The following ATP10B variants were observed in gnomAD, a reference collection of about 807,000 sequenced individuals.
The protein encoded by ATP10B is phospholipid-transporting ATPase VB.
ATP10B carries 122 observed loss-of-function variants against 141.2 expected under a neutral mutation model. That is an observed-to-expected ratio of 0.86 (90% CI 0.75 to 1.00). ATP10B has a LOEUF of 1.00. Among genes scored for constraint, ATP10B ranks in the 50% least tolerant of loss-of-function variants. ATP10B has a pLI of 0.00. For missense variants in ATP10B, 1,876 were observed against 1,825.3 expected (o/e 1.03, Z -0.51); for synonymous variants, 685 against 692.0 (o/e 0.99, Z 0.16).
chr5:160,857,100 C>G (rs1019602759), upstream of ATP10B, among the ~76,000 whole-genome samples: 6 of 151,722 alleles, frequency 4.0e-5, no homozygotes, highest in Non-Finnish European at 7.4e-5. Context: ...ACCTATTCTA[C>G]TTTATCTTCT....
chr5:160,654,958 C>T (rs1034916333), intron 7 of ATP10B, among the ~76,000 whole-genome samples: 1 of 152,158 alleles, frequency 6.6e-6, no homozygotes, highest in African/African-American at 2.4e-5. Flanking sequence ...AGGCTTTAAC[C>T]TTAGCATCGC....
At chr5:160,913,750 T>G in the ATP10B span, among the ~76,000 whole-genome samples, 1 of 152,188 alleles carries the variant, frequency 6.6e-6, no homozygotes, top group African/African-American at 2.4e-5. Context: ...CTCGCACTGA[T>G]AACAATGAGT....
intron 24 of ATP10B, among the ~76,000 whole-genome samples, chr5:160,581,409 C>T (rs1266470531): frequency 6.6e-6 from 1 of 152,158 alleles, no homozygotes; most frequent in Non-Finnish European, 1.5e-5. Flanking sequence ...ATTATTTACC[C>T]AGTGGTCATT....
At chr5:160,877,480 AG>A in the ATP10B span, among the ~76,000 whole-genome samples, 1 of 148,692 alleles carries the variant, frequency 6.7e-6, no homozygotes, top group Non-Finnish European at 1.5e-5. Flanking sequence ...GGCACAAGAC[AG>A]GGATGCCCTC....
intron 1 of ATP10B, among the ~76,000 whole-genome samples, chr5:160,812,908 T>C (rs1443987309): frequency 6.6e-6 from 1 of 152,184 alleles, no homozygotes; most frequent in Non-Finnish European, 1.5e-5. Flanking sequence ...AAGAAGGTTG[T>C]AGAACACCAA....
In ATP10B at chr5:160,748,931, C is replaced by T. The variant is rs370679481; in HGVS notation, c.-330-31897G>A. ...GGGCTAGGCCCTGCACTTGGCCCCC[C>T]GTATAAATGACCTCTAATATTCATA... On this transcript the variant is annotated intron_variant, in intron 2 of 25. Coordinates refer to ENST00000327245, the MANE Select transcript of ATP10B (RefSeq NM_025153.3). 2.9e-4 allele frequency among the ~76,000 whole-genome samples: 44 copies of T among 152,240 alleles called. 1 individual carries two copies. Among genetic ancestry groups the T allele is most frequent in the African/African-American group, 9.9e-4 (41 of 41,560 alleles).
intron 7 of ATP10B, among the ~76,000 whole-genome samples, chr5:160,668,156 C>T (rs1245465394): frequency 6.8e-6 from 1 of 146,578 alleles, no homozygotes; most frequent in Admixed American, 7.0e-5. Flanking sequence ...CCCTTGAACC[C>T]AGTAGGCATA....
At chr5:160,850,263 A>ACAAAAAT (rs1283331561) in intron 1 of ATP10B, among the ~76,000 whole-genome samples, 2 of 152,036 alleles carry the variant, frequency 1.3e-5, no homozygotes, top group Admixed American at 6.6e-5. Flanking sequence ...AAAACAAAAA[A>ACAAAAAT]CAAAACAAAA....
intron 3 of ATP10B, among the ~76,000 whole-genome samples, chr5:160,701,041 T>A (rs898647873): frequency 6.6e-6 from 1 of 152,164 alleles, no homozygotes; most frequent in African/African-American, 2.4e-5. Context: ...TCTGGACCCA[T>A]TGCCACACAC....
the ATP10B span, among the ~76,000 whole-genome samples, chr5:160,865,847 T>C: frequency 1.3e-5 from 2 of 151,972 alleles, no homozygotes; most frequent in South Asian, 4.1e-4. Context: ...GAAATGCAAA[T>C]CAAAACTACA....
intron 4 of ATP10B, among the ~76,000 whole-genome samples, chr5:160,688,365 C>T (rs544663942): frequency 6.6e-6 from 1 of 152,264 alleles, no homozygotes; most frequent in South Asian, 2.1e-4. Context: ...ACACACTAAA[C>T]AAATAATCAC....
intron 6 of ATP10B, among the ~76,000 whole-genome samples, chr5:160,680,672 A>T (rs1248942111): frequency 1.3e-5 from 2 of 152,226 alleles, no homozygotes; most frequent in African/African-American, 4.8e-5. Flanking sequence ...TTTTAAAAAA[A>T]CTTTGGCTTT....
chr5:160,864,732 T>C, the ATP10B span, among the ~76,000 whole-genome samples: 6 of 152,082 alleles, frequency 3.9e-5, no homozygotes, highest in African/African-American at 1.2e-4. Flanking sequence ...AGTCTCAGGA[T>C]ACAAAATCAG....
chr5:160,814,880 A>ATATCT, intron 1 of ATP10B, among the ~76,000 whole-genome samples: 1 of 152,332 alleles, frequency 6.6e-6, no homozygotes, highest in Middle Eastern at 3.4e-3. Flanking sequence ...ATATCCAGCC[A>ATATCT]AACTAAGCTT....
chr5:160,589,839 A>T, intron 23 of ATP10B, 143 bp from the exon 24 acceptor site: 1 of 631,696 alleles, frequency 1.6e-6, no homozygotes, highest in Non-Finnish European at 2.9e-6. Flanking sequence ...TACTGATCCG[A>T]GGAACAGGTC....
intron 9 of ATP10B, among the ~76,000 whole-genome samples, chr5:160,641,322 T>C (rs1422954119): frequency 6.6e-6 from 1 of 152,200 alleles, no homozygotes; most frequent in Non-Finnish European, 1.5e-5. Flanking sequence ...TCTTTGGTCA[T>C]GCCTAAGTTG....
intron 3 of ATP10B, among the ~76,000 whole-genome samples, chr5:160,715,474 C>G (rs1031492617): frequency 1.4e-5 from 2 of 143,074 alleles, no homozygotes; most frequent in Non-Finnish European, 3.0e-5. Flanking sequence ...TGCTTCGGCT[C>G]GCGCACGGTG....
chr5:160,857,486 T>C, the ATP10B span, among the ~76,000 whole-genome samples: 41 of 151,978 alleles, frequency 2.7e-4, no homozygotes, highest in South Asian at 8.1e-3. Flanking sequence ...ACCAGCTCTT[T>C]GCTTTGTTGA....
chr5:160,848,320 A>G (rs537610896), intron 1 of ATP10B, among the ~76,000 whole-genome samples: 1 of 152,322 alleles, frequency 6.6e-6, no homozygotes, highest in South Asian at 2.1e-4. Flanking sequence ...TATTCCATTC[A>G]TAAGTTCTTA....
Sources: allele counts gnomAD v4.1 joint callset (sites outside exome capture counted in the v4.1 genomes callset), GRCh38; gene constraint gnomAD v4.1.1; transcripts MANE v1.5; gene names NCBI Gene and HGNC (gene_info 2026-07-23, HGNC 2026-07-21).